CBFA2T2: variants seen among roughly 807,000 people sequenced by gnomAD.
CBFA2T2 encodes protein CBFA2T2.
Under a neutral mutation model 62.2 loss-of-function variants are expected in CBFA2T2, and 11 were observed. That is an observed-to-expected ratio of 0.18 (90% CI 0.11 to 0.29). CBFA2T2 has a LOEUF of 0.29. Ranked by LOEUF, CBFA2T2 falls within the 10% of genes least tolerant of loss-of-function variation. CBFA2T2 has a pLI of 1.00. For synonymous variants in CBFA2T2, 295 were observed against 287.5 expected (o/e 1.03, Z -0.27); for missense variants, 592 against 774.1 (o/e 0.76, Z 2.79).
intron 3 of CBFA2T2, among the ~76,000 whole-genome samples, chr20:33,617,175 A>T (rs1283636780): frequency 6.6e-6 from 1 of 152,190 alleles, no homozygotes; most frequent in African/African-American, 2.4e-5. Context: ...TCAAGGTTGC[A>T]GTGAGCTATA....
chr20:33,559,172 CTTTTTTTT>C (rs376048540), intron 1 of CBFA2T2, among the ~76,000 whole-genome samples: 2 of 87,626 alleles, frequency 2.3e-5, no homozygotes, highest in African/African-American at 1.0e-4. Flanking sequence ...TTTTTCCTTT[CTTTTTTTT>C]TTTTTTTTTT....
At chr20:33,636,773 C>T in intron 9 of CBFA2T2, 65 bp downstream of exon 9, 10 of 1,214,128 alleles carry the variant, frequency 8.2e-6, no homozygotes, top group Non-Finnish European at 1.1e-5. Context: ...GAACAGATAA[C>T]TGGGTGAATG....
At chr20:33,599,454 T>C (rs1260890601) in intron 1 of CBFA2T2, among the ~76,000 whole-genome samples, 1 of 152,246 alleles carries the variant, frequency 6.6e-6, no homozygotes, top group Admixed American at 6.5e-5. Context: ...TTTTCCAGTA[T>C]ATGTATAAAC....
At chr20:33,525,743 C>G (rs1395336559) in intron 1 of CBFA2T2, among the ~76,000 whole-genome samples, 2 of 152,172 alleles carry the variant, frequency 1.3e-5, no homozygotes, top group African/African-American at 2.4e-5. Context: ...CCTCGACCAC[C>G]TGGGCTCAAG....
At chr20:33,564,516 A>T (rs1340471376) in intron 1 of CBFA2T2, among the ~76,000 whole-genome samples, 1 of 151,720 alleles carries the variant, frequency 6.6e-6, no homozygotes, top group Non-Finnish European at 1.5e-5. Flanking sequence ...CAGCCTCCCA[A>T]AGTGCTGGGA....
chr20:33,494,439 G>A (rs1169872749), intron 1 of CBFA2T2, among the ~76,000 whole-genome samples: 5 of 149,140 alleles, frequency 3.4e-5, no homozygotes, highest in African/African-American at 4.9e-5. Flanking sequence ...CCGCCGCCAC[G>A]CCTGGCTAAT....
chr20:33,513,053 C>T (rs1034062725), intron 1 of CBFA2T2, among the ~76,000 whole-genome samples: 3 of 151,688 alleles, frequency 2.0e-5, no homozygotes, highest in Admixed American at 1.3e-4. Context: ...CACCCGGCCA[C>T]GTATGTATGT....
chr20:33,591,179 C>CAAAAAAAA (rs80021195), intron 1 of CBFA2T2, among the ~76,000 whole-genome samples: 2 of 82,050 alleles, frequency 2.4e-5, no homozygotes, highest in African/African-American at 7.1e-5. Flanking sequence ...AACTCCCTCT[C>CAAAAAAAA]AAAAAAAAAA....
intron 1 of CBFA2T2, among the ~76,000 whole-genome samples, chr20:33,513,393 CTT>C (rs2011543443): frequency 1.3e-5 from 2 of 149,342 alleles, no homozygotes; most frequent in Non-Finnish European, 3.0e-5. Flanking sequence ...GAGTCTCACT[CTT>C]GTCTCCCAGG....
intron 8 of CBFA2T2, among the ~76,000 whole-genome samples, chr20:33,634,440 G>A (rs2016556802): frequency 6.6e-6 from 1 of 152,064 alleles, no homozygotes; most frequent in Non-Finnish European, 1.5e-5. Flanking sequence ...GAGAGGCAGA[G>A]GCTGGCAAAT....
chr20:33,544,108 A>G (rs1018762713), intron 1 of CBFA2T2, among the ~76,000 whole-genome samples: 5 of 152,112 alleles, frequency 3.3e-5, no homozygotes, highest in African/African-American at 2.4e-5. Context: ...GGTCATGTCA[A>G]TTCTCTGCTC....
intron 1 of CBFA2T2, among the ~76,000 whole-genome samples, chr20:33,601,367 C>T (rs571413527): frequency 8.5e-5 from 13 of 152,204 alleles, no homozygotes; most frequent in African/African-American, 2.9e-4. Flanking sequence ...CGTGTTCAAG[C>T]GGTTCTCCTG....
intron 3 of CBFA2T2, among the ~76,000 whole-genome samples, chr20:33,615,685 G>A (rs1158989349): frequency 6.6e-6 from 1 of 151,954 alleles, no homozygotes; most frequent in African/African-American, 2.4e-5. Context: ...CACCTATGTA[G>A]TCCCAGCTGA....
chr20:33,638,708 T>C (rs1461223389), intron 9 of CBFA2T2: 2 of 152,250 alleles, frequency 1.3e-5, no homozygotes, highest in Non-Finnish European at 2.9e-5. Flanking sequence ...TTCTGGATTG[T>C]CTAGTCCTGT....
intron 6 of CBFA2T2, among the ~76,000 whole-genome samples, chr20:33,626,675 A>G (rs2016242970): frequency 6.6e-6 from 1 of 152,154 alleles, no homozygotes; most frequent in Non-Finnish European, 1.5e-5. Flanking sequence ...TTCCATGTAT[A>G]CCTTGTTGAG....
rs527625422 is a variant in CBFA2T2, at chr20:33,523,736, T to A, written c.34+33435T>A. Among the ~76,000 whole-genome samples, 3 of 152,282 alleles carry A rather than the reference T, an allele frequency of 2.0e-5. No homozygotes were observed. The South Asian group carries it at 6.2e-4, about 32-fold the overall frequency. ...GGAATTTCACCCTTGTCGCCCAGGC[T>A]GGAGTGCAGTGGCATGATCCTCACC... On this transcript the variant is annotated intron_variant, in intron 1 of 10. Transcript: ENST00000342704.
chr20:33,592,075 G>A (rs891024788), intron 1 of CBFA2T2, among the ~76,000 whole-genome samples: 9 of 152,052 alleles, frequency 5.9e-5, no homozygotes, highest in Admixed American at 3.9e-4. Flanking sequence ...TGAAAAAAAC[G>A]ACATAGGCCG....
intron 8 of CBFA2T2, 148 bp downstream of exon 8, chr20:33,630,062 A>G (rs1371237426): frequency 2.7e-6 from 2 of 742,414 alleles, no homozygotes; most frequent in East Asian, 5.7e-5. Context: ...TGAAAAGTAA[A>G]TGAGAAAATA....
chr20:33,591,635 C>A (rs2014641431), intron 1 of CBFA2T2, among the ~76,000 whole-genome samples: 2 of 152,080 alleles, frequency 1.3e-5, no homozygotes, highest in African/African-American at 4.8e-5. Context: ...CGGGACTGGG[C>A]ACATATACCA....
Sources: gnomAD v4.1 joint callset for allele counts (sites outside exome capture counted in the v4.1 genomes callset) on GRCh38, gnomAD v4.1.1 for gene constraint, MANE v1.5 for transcripts, NCBI Gene and HGNC (gene_info 2026-07-23, HGNC 2026-07-21) for gene names.